The following LRP1B variants were observed in gnomAD, a reference collection of about 807,000 sequenced individuals.
The protein encoded by LRP1B is LDL receptor related protein 1B.
In LRP1B, 217 loss-of-function variants were observed where a neutral mutation model predicts 556.6. That is an observed-to-expected ratio of 0.39 (90% CI 0.35 to 0.44). LRP1B has a LOEUF of 0.44. Among genes scored for constraint, LRP1B ranks in the 20% least tolerant of loss-of-function variants. The pLI is 1.00. For missense variants in LRP1B, 5,053 were observed against 5,620.8 expected (o/e 0.90, Z 3.23); for synonymous variants, 2,047 against 1,865.8 (o/e 1.10, Z -2.50).
chr2:140,262,317 CT>C (rs1681983449), intron 86 of LRP1B, among the ~76,000 whole-genome samples: 1 of 152,056 alleles, frequency 6.6e-6, no homozygotes, highest in Non-Finnish European at 1.5e-5. Flanking sequence ...TAAAAAAGAC[CT>C]AGTGCCACAA....
chr2:140,481,553 A>C (rs949754314), intron 59 of LRP1B, among the ~76,000 whole-genome samples: 2 of 149,626 alleles, frequency 1.3e-5, no homozygotes, highest in African/African-American at 4.9e-5. Context: ...CTAACTCAAA[A>C]AATGCTATAG....
chr2:141,616,302 GA>G (rs1183542028), intron 2 of LRP1B, among the ~76,000 whole-genome samples: 11 of 133,824 alleles, frequency 8.2e-5, no homozygotes, highest in Admixed American at 2.2e-4. Flanking sequence ...AAAAAAAAAA[GA>G]AAAAAAAGCT....
intron 1 of LRP1B, among the ~76,000 whole-genome samples, chr2:142,053,895 C>T (rs964529727): frequency 2.2e-4 from 34 of 152,018 alleles, no homozygotes; most frequent in African/African-American, 7.7e-4. Flanking sequence ...TCCTAGAAGA[C>T]CAGGGACAAG....
intron 2 of LRP1B, among the ~76,000 whole-genome samples, chr2:141,755,197 G>T (rs1219276251): frequency 6.6e-6 from 1 of 151,998 alleles, no homozygotes; most frequent in Non-Finnish European, 1.5e-5. Flanking sequence ...ATATCACATG[G>T]TAAAACACCA....
intron 2 of LRP1B, among the ~76,000 whole-genome samples, chr2:141,684,718 G>C (rs1482326517): frequency 6.6e-6 from 1 of 152,066 alleles, no homozygotes; most frequent in African/African-American, 2.4e-5. Context: ...ATTTAGGAAA[G>C]CTCTTTGGAG....
At chr2:141,437,564 T>C (rs1278320831) in intron 3 of LRP1B, among the ~76,000 whole-genome samples, 3 of 152,038 alleles carry the variant, frequency 2.0e-5, no homozygotes, top group African/African-American at 7.2e-5. Context: ...TGCACTTTGG[T>C]CATTTCTTTT....
chr2:141,638,264 G>A (rs963050845), intron 2 of LRP1B, among the ~76,000 whole-genome samples: 1 of 152,094 alleles, frequency 6.6e-6, no homozygotes, highest in Non-Finnish European at 1.5e-5. Flanking sequence ...TGATGTGCTG[G>A]CTCCCCTTTT....
intron 66 of LRP1B, among the ~76,000 whole-genome samples, chr2:140,387,349 T>C (rs1039216857): frequency 6.6e-6 from 1 of 152,176 alleles, no homozygotes; most frequent in African/African-American, 2.4e-5. Context: ...CTATTGAGGA[T>C]CCAGCCTCTT....
intron 48 of LRP1B, 34 bp from the exon 49 acceptor site, chr2:140,526,027 C>T (rs2104968473): frequency 1.2e-6 from 2 of 1,605,222 alleles, no homozygotes; most frequent in Non-Finnish European, 1.7e-6. Context: ...GAAAAAGTAC[C>T]TCATTTTCAA....
At chr2:141,019,180 C>T (rs1347805446) in intron 12 of LRP1B, among the ~76,000 whole-genome samples, 1 of 151,938 alleles carries the variant, frequency 6.6e-6, no homozygotes, top group Admixed American at 6.6e-5. Flanking sequence ...GATTAAAAAT[C>T]AAAAGAAAAC....
chr2:141,117,055 G>A (rs1434444028), intron 7 of LRP1B, among the ~76,000 whole-genome samples: 1 of 151,892 alleles, frequency 6.6e-6, no homozygotes, highest in African/African-American at 2.4e-5. Context: ...TTTTCTAGAT[G>A]TATTAATAAC....
chr2:141,078,129 C>T (rs575195296), intron 7 of LRP1B, among the ~76,000 whole-genome samples: 1 of 152,122 alleles, frequency 6.6e-6, no homozygotes, highest in Non-Finnish European at 1.5e-5. Flanking sequence ...CACCTACCAT[C>T]ACTACAAGAA....
chr2:141,479,734 C>A (rs1056809239), intron 3 of LRP1B, among the ~76,000 whole-genome samples: 2 of 151,982 alleles, frequency 1.3e-5, no homozygotes, highest in African/African-American at 4.8e-5. Context: ...GCTCTTATTT[C>A]TCTTCATCTC....
At position 140,720,326 on chromosome 2, in the gene LRP1B, G is replaced by A. The variant is rs1467903439; in HGVS notation, c.5759-3510C>T. Among the ~76,000 whole-genome samples, 11 of 152,070 alleles carry A rather than the reference G, an allele frequency of 7.2e-5. No homozygotes were observed. In the East Asian group the frequency reaches 1.9e-3, roughly 27 times the overall value. On this transcript the variant is annotated intron_variant, in intron 35 of 90. Transcript: ENST00000389484. ...TAATGTATAATATAATTACAGGATTGTAAAATAGAATTTGTAATTTAAGAT... is the reference window on the plus strand; with the variant it reads ...TAATGTATAATATAATTACAGGATTATAAAATAGAATTTGTAATTTAAGAT...
At chr2:141,204,133 A>T in intron 6 of LRP1B, among the ~76,000 whole-genome samples, 1 of 152,180 alleles carries the variant, frequency 6.6e-6, no homozygotes, top group East Asian at 1.9e-4. Context: ...ATGAGGTTGG[A>T]CAAACATTTT....
At chr2:141,073,440 A>G (rs1483149610) in intron 7 of LRP1B, among the ~76,000 whole-genome samples, 3 of 151,842 alleles carry the variant, frequency 2.0e-5, no homozygotes, top group Admixed American at 6.6e-5. Flanking sequence ...TTCTCTCTAC[A>G]TCAGGTCCAG....
rs558335298 is a variant in LRP1B at position 142,027,939 on chromosome 2, A to G, written c.82+102709T>C. On this transcript the variant is annotated intron_variant, in intron 1 of 90. Transcript: ENST00000389484. ...ACTTGTTTCAGTATTTTGACTTATT[A>G]TTCCACTCTTGGTGAATGTTGATTG... Among the ~76,000 whole-genome samples, 10 of 152,052 alleles carry G rather than the reference A, an allele frequency of 6.6e-5. No individual in the cohort carries two copies. In the South Asian group the frequency reaches 2.1e-3, roughly 31 times the overall value.
chr2:141,362,817 TA>T (rs372926853), intron 3 of LRP1B, among the ~76,000 whole-genome samples: 5,378 of 138,768 alleles, frequency 0.039, 270 homozygotes, highest in African/African-American at 0.12. Flanking sequence ...TTGCATTAAT[TA>T]AAAAAAAAAA....
chr2:140,703,710 T>C (rs1441455), intron 37 of LRP1B, among the ~76,000 whole-genome samples: 73,150 of 151,912 alleles, frequency 0.48, 18,827 homozygotes, highest in Middle Eastern at 0.59. Flanking sequence ...CTTGTTCCCA[T>C]GTTCATGTTC....
Sources: gnomAD v4.1 joint callset for allele counts (sites outside exome capture counted in the v4.1 genomes callset) on GRCh38, gnomAD v4.1.1 for gene constraint, MANE v1.5 for transcripts, NCBI Gene and HGNC (gene_info 2026-07-23, HGNC 2026-07-21) for gene names.